The following CDH23 variants were observed in gnomAD, a reference collection of about 807,000 sequenced individuals.
CDH23 encodes cadherin-23.
A neutral mutation model predicts 317.1 loss-of-function variants in CDH23; 189 were observed. The ratio of observed to expected loss-of-function variants is 0.60; its 90% CI spans 0.53 to 0.67. CDH23 has a LOEUF of 0.67. CDH23 is among the 30% of genes least tolerant of loss of function. CDH23 has a pLI of 0.00. For missense variants in CDH23, 4,401 were observed against 4,592.4 expected, an observed-to-expected ratio of 0.96 and a Z score of 1.20; for synonymous variants, 1,839 against 1,876.8, an observed-to-expected ratio of 0.98 and a Z score of 0.52.
At chr10:71,705,667 C>G (rs1037479241) in intron 25 of CDH23, among the ~76,000 whole-genome samples, 1 of 152,226 alleles carries the variant, frequency 6.6e-6, no homozygotes, top group South Asian at 2.1e-4. Context: ...TTCCCAGTGT[C>G]TCTGCCCTCT....
chr10:71,567,146 C>G (rs1221632129), intron 7 of CDH23, among the ~76,000 whole-genome samples: 1 of 152,218 alleles, frequency 6.6e-6, no homozygotes, highest in Non-Finnish European at 1.5e-5. Flanking sequence ...CTCAAAGGGA[C>G]TTTAAACCTC....
At chr10:71,482,185 G>A (rs912408025) in intron 3 of CDH23, among the ~76,000 whole-genome samples, 2 of 151,978 alleles carry the variant, frequency 1.3e-5, no homozygotes, top group African/African-American at 4.8e-5. Context: ...CCTCCTTTCT[G>A]CCTTCCCTCT....
chr10:71,709,072 G>A lies in CDH23; in HGVS notation c.3107-26G>A, dbSNP rs78957875. On this transcript the variant is annotated intron_variant, in intron 26 of 69. Transcript: ENST00000224721. ...TGGCCGGGAGCTCTGTTTCCCAGCC[G>A]GAAGCTTCCTCTCCTTCACCCACAG... 883 of 1,606,886 alleles carry A rather than the reference G, an allele frequency of 5.5e-4. 6 individuals are homozygous for A. The East Asian group carries it at 8.8e-3, about 16-fold the overall frequency.
chr10:71,539,996 T>C (rs1373278446), intron 6 of CDH23, among the ~76,000 whole-genome samples: 1 of 152,202 alleles, frequency 6.6e-6, no homozygotes, highest in East Asian at 1.9e-4. Flanking sequence ...GAACACTTTC[T>C]TTGCTGCCTG....
intron 6 of CDH23, among the ~76,000 whole-genome samples, chr10:71,516,213 C>T (rs1294314445): frequency 1.3e-5 from 2 of 152,216 alleles, no homozygotes; most frequent in Non-Finnish European, 2.9e-5. Flanking sequence ...TGTGTCCCTG[C>T]CCAGGTCTCT....
chr10:71,789,755 G>A (rs1208533335), intron 45 of CDH23, among the ~76,000 whole-genome samples: 1 of 152,234 alleles, frequency 6.6e-6, no homozygotes, highest in African/African-American at 2.4e-5. Flanking sequence ...ATGCGCTCGT[G>A]TGCAGACATG....
intron 11 of CDH23, among the ~76,000 whole-genome samples, chr10:71,631,976 G>A (rs1862034031): frequency 6.6e-6 from 1 of 152,224 alleles, no homozygotes; most frequent in Non-Finnish European, 1.5e-5. Flanking sequence ...GGTGGCTGGG[G>A]GTGGGAGAGG....
chr10:71,805,781 G>A (rs537050381), intron 55 of CDH23, 25 bp from the exon 56 acceptor site: 3 of 1,598,542 alleles, frequency 1.9e-6, no homozygotes, highest in South Asian at 2.3e-5. Flanking sequence ...GGGTCCAGGA[G>A]CCTTCCTCCC....
chr10:71,588,245 A>G (rs1314114432), intron 9 of CDH23, among the ~76,000 whole-genome samples: 4 of 152,154 alleles, frequency 2.6e-5, no homozygotes, highest in Admixed American at 1.3e-4. Flanking sequence ...CCGTGTCATC[A>G]GTATTTATTA....
At chr10:71,515,394 T>TCTCA (rs1491490493) in intron 6 of CDH23, among the ~76,000 whole-genome samples, 23 of 26,700 alleles carry the variant, frequency 8.6e-4, no homozygotes, top group African/African-American at 1.9e-3. Context: ...TCTCTCTCTC[T>TCTCA]CACACACACA....
intron 6 of CDH23, among the ~76,000 whole-genome samples, chr10:71,537,766 T>C (rs1855779291): frequency 6.6e-6 from 1 of 152,184 alleles, no homozygotes; most frequent in African/African-American, 2.4e-5. Flanking sequence ...GAGCCCTGAG[T>C]TTGGGCCCAC....
At chr10:71,809,786 T>C (rs1841857553) in intron 60 of CDH23, 34 bp from the exon 61 acceptor site, 8 of 1,599,608 alleles carry the variant, frequency 5.0e-6, no homozygotes, top group Non-Finnish European at 6.8e-6. Flanking sequence ...GCACTGAGTC[T>C]CTGAGCCGTA....
In CDH23 at chr10:71,741,768, C is replaced by T. The variant is rs2132847633; in HGVS notation, c.4692C>T (p.Ser1564=). 6.2e-7 allele frequency: 1 copy of T among 1,612,732 alleles called. No homozygotes were observed. Among genetic ancestry groups the T allele is most frequent in the Non-Finnish European group, 8.5e-7 (1 of 1,179,410 alleles). ...ACATCGGGATCAACAGTGTTCTGTC[C>T]TACTACATCACCGAGGGCAACAAGG... is the stretch of plus-strand genomic sequence containing the variant. The part of the protein sequence containing the change: ...DRDIGINSVL[S]YYITEGNKDM... The change falls in exon 38 of 70, where the codon TCC becomes TCT. Residue 1564 remains serine, a synonymous_variant. Transcript: ENST00000224721.
At chr10:71,439,586 A>AGT (rs2132004352) in intron 1 of CDH23, among the ~76,000 whole-genome samples, 2 of 152,336 alleles carry the variant, frequency 1.3e-5, no homozygotes, top group South Asian at 4.1e-4. Flanking sequence ...AATAGGCCCC[A>AGT]GCCTCACCCA....
At chr10:71,499,818 A>C (rs1853181132) in intron 3 of CDH23, among the ~76,000 whole-genome samples, 1 of 151,952 alleles carries the variant, frequency 6.6e-6, no homozygotes, top group Non-Finnish European at 1.5e-5. Context: ...CAGCCTGAGC[A>C]ACAAGAGTGA....
rs1247661583 is a variant in CDH23, at chr10:71,808,016, T to C, written c.8722+9T>C. ...CCAGGTCTTCACCATGGGTAGGGCC[T>C]GGCAGCACATGAGTGGCCTCTAGCC... On this transcript the variant is annotated intron_variant, in intron 60 of 69. Transcript: ENST00000224721. 2 of 1,574,256 alleles carry C rather than the reference T, an allele frequency of 1.3e-6. No individual in the cohort carries two copies. Among genetic ancestry groups the C allele is most frequent in the South Asian group, 1.2e-5 (1 of 85,814 alleles).
chr10:71,678,180 G>A (rs867098703), intron 16 of CDH23, among the ~76,000 whole-genome samples: 5 of 152,040 alleles, frequency 3.3e-5, no homozygotes, highest in South Asian at 2.1e-4. Flanking sequence ...CCCTTAGCAA[G>A]GGCATTGAGT....
At chr10:71,584,737 G>A (rs1454102622) in intron 9 of CDH23, among the ~76,000 whole-genome samples, 1 of 152,178 alleles carries the variant, frequency 6.6e-6, no homozygotes, top group Non-Finnish European at 1.5e-5. Context: ...AAGCTGCTTG[G>A]CATTTTCTTC....
At chr10:71,640,593 C>G (rs1862494934) in intron 11 of CDH23, among the ~76,000 whole-genome samples, 1 of 152,102 alleles carries the variant, frequency 6.6e-6, no homozygotes, top group African/African-American at 2.4e-5. Flanking sequence ...ACTAAAAATA[C>G]AAAAATTCCC....
Sources: gnomAD v4.1 joint callset for allele counts (sites outside exome capture counted in the v4.1 genomes callset) on GRCh38, gnomAD v4.1.1 for gene constraint, MANE v1.5 for transcripts, NCBI Gene and HGNC (gene_info 2026-07-23, HGNC 2026-07-21) for gene names.